The following ARID3B variants were observed in gnomAD, a reference collection of about 807,000 sequenced individuals.
ARID3B encodes AT-rich interaction domain 3B, also known as AT-rich interactive domain-containing protein 3B.
Under a neutral mutation model 51.9 loss-of-function variants are expected in ARID3B, and 10 were observed. The ratio of observed to expected loss-of-function variants is 0.19; its 90% CI spans 0.12 to 0.33. The LOEUF is 0.33. Among genes scored for constraint, ARID3B ranks in the 10% least tolerant of loss-of-function variants. The probability of loss-of-function intolerance (pLI) is 1.00; values close to 1 mark genes in which losing one functional copy is unlikely to be tolerated. For synonymous variants in ARID3B, 205 were observed against 279.5 expected (o/e 0.73, Z 2.66); for missense variants, 483 against 716.3 (o/e 0.67, Z 3.72).
At chr15:74,579,105 G>T (rs754315812) in intron 4 of ARID3B, among the ~76,000 whole-genome samples, 1 of 152,192 alleles carries the variant, frequency 6.6e-6, no homozygotes, top group Non-Finnish European at 1.5e-5. Flanking sequence ...AATGACCGCA[G>T]CTGCAGGTGA....
chr15:74,578,176 T>TTG (rs1285160374), intron 4 of ARID3B, among the ~76,000 whole-genome samples: 2 of 150,696 alleles, frequency 1.3e-5, no homozygotes, highest in African/African-American at 2.5e-5. Context: ...TTTGTTTTTT[T>TTG]TTGTTTTTTT....
At chr15:74,546,958 T>C (rs1429810458) in intron 2 of ARID3B, among the ~76,000 whole-genome samples, 1 of 152,204 alleles carries the variant, frequency 6.6e-6, no homozygotes, top group East Asian at 1.9e-4. Context: ...TAAAACTTTT[T>C]TTTTAGTATA....
chr15:74,560,414 T>A (rs1160082198), intron 2 of ARID3B, among the ~76,000 whole-genome samples: 1 of 152,192 alleles, frequency 6.6e-6, no homozygotes, highest in Non-Finnish European at 1.5e-5. Context: ...TACACCTTCT[T>A]GGAGCTTTTT....
In ARID3B at chr15:74,591,083, C is replaced by A; in HGVS notation, c.882-68C>A. 6.6e-7 allele frequency: 1 copy of A among 1,524,848 alleles called. No homozygotes were observed. The allele number at this position is 1,524,848 out of a possible 1,614,324, so 94.5% of individuals were successfully genotyped here. On this transcript the variant is annotated intron_variant, in intron 5 of 8. Coordinates refer to ENST00000346246, the MANE Select transcript of ARID3B (RefSeq NM_006465.4). The surrounding 1 kb of genome is among the most constrained non-coding windows in gnomAD (Gnocchi z 5.8). ...AACAGAGACTGCTTCCAGAGACCCA[C>A]CAACCTCAACTGGGTGGTCTCTGGT...
intron 8 of ARID3B, 104 bp from the exon 9 acceptor site, chr15:74,595,507 G>A (rs892866787): frequency 2.5e-5 from 32 of 1,296,408 alleles, no homozygotes; most frequent in South Asian, 1.9e-4. Context: ...TGTCTACAGC[G>A]GAGTCAGGCA....
At chr15:74,575,924 TCTCA>T (rs1316045109) in intron 4 of ARID3B, among the ~76,000 whole-genome samples, 33 of 152,174 alleles carry the variant, frequency 2.2e-4, no homozygotes, top group Admixed American at 1.7e-3. Context: ...TGAGACAGGG[TCTCA>T]CTCTGTTGCC....
At chr15:74,562,034 C>CT (rs2061681073) in intron 2 of ARID3B, among the ~76,000 whole-genome samples, 1 of 134,308 alleles carries the variant, frequency 7.4e-6, no homozygotes, top group South Asian at 2.6e-4. Context: ...GAGCAAGACT[C>CT]TGTCTTAAAA....
At position 74,595,730 on chromosome 15, in the gene ARID3B, C is replaced by A; in HGVS notation, c.1639C>A (p.Arg547=). ...CTGTTCACCAAGTCCTACCTCATCC[C>A]GGGGCACCCCCAGCGCAGAGCCCTC... ...SHCSPSPTSS[R]GTPSAEPSTS... Residue 547 remains arginine (R), a synonymous_variant, in exon 9 of 9, where the codon CGG becomes AGG. Coordinates refer to ENST00000346246, the MANE Select transcript of ARID3B (RefSeq NM_006465.4). 1.2e-6 allele frequency: 2 copies of A among 1,612,094 alleles called. No homozygotes were observed. The highest frequency in any genetic ancestry group is 4.5e-5 in the East Asian group (2 of 44,838).
intron 1 of ARID3B, among the ~76,000 whole-genome samples, chr15:74,543,350 G>A (rs765714730): frequency 3.9e-5 from 6 of 152,188 alleles, no homozygotes; most frequent in Non-Finnish European, 7.3e-5. Flanking sequence ...CTGTCTGCCT[G>A]ATAGTTCTGT....
At chr15:74,572,676 CAA>C (rs377466587) in intron 2 of ARID3B, among the ~76,000 whole-genome samples, 184 bp from the exon 3 acceptor site, 2 of 141,034 alleles carry the variant, frequency 1.4e-5, no homozygotes, top group African/African-American at 2.6e-5. Flanking sequence ...AATCAAAAGC[CAA>C]AAAAAAAAAA....
intron 2 of ARID3B, among the ~76,000 whole-genome samples, chr15:74,555,843 G>GTGCAGTGGCACAATCTCCGCTCACTGCAA (rs2061655548): frequency 7.1e-6 from 1 of 140,018 alleles, no homozygotes; most frequent in Non-Finnish European, 1.5e-5. Context: ...CCAGGCTGGA[G>GTGCAGTGGCACAATCTCCGCTCACTGCAA]TGCAGTGGCA....
intron 5 of ARID3B, among the ~76,000 whole-genome samples, chr15:74,590,389 C>T (rs146009593): frequency 2.0e-5 from 3 of 152,308 alleles, no homozygotes; most frequent in African/African-American, 7.2e-5. Flanking sequence ...TGTGCCCCTT[C>T]CAGGACATTG....
intron 2 of ARID3B, among the ~76,000 whole-genome samples, chr15:74,547,590 C>G (rs2061620884): frequency 1.3e-5 from 2 of 152,186 alleles, no homozygotes; most frequent in South Asian, 4.1e-4. Flanking sequence ...TGAAACAAGG[C>G]ATGTTTCTCT....
At chr15:74,581,986 C>T (rs1005146343) in intron 4 of ARID3B, among the ~76,000 whole-genome samples, 1 of 152,168 alleles carries the variant, frequency 6.6e-6, no homozygotes, top group Non-Finnish European at 1.5e-5. Flanking sequence ...GAAACTCAGA[C>T]AGCCGTGCAC....
At chr15:74,578,471 G>A (rs1261033186) in intron 4 of ARID3B, among the ~76,000 whole-genome samples, 1 of 152,220 alleles carries the variant, frequency 6.6e-6, no homozygotes. Flanking sequence ...CACCGAGCCC[G>A]GCTGTCTTTG....
At chr15:74,592,635 G>A (rs1320353231) in intron 7 of ARID3B, among the ~76,000 whole-genome samples, 6 of 152,366 alleles carry the variant, frequency 3.9e-5, no homozygotes, top group African/African-American at 7.2e-5. Context: ...GCCAAAGGCC[G>A]TGTGTGCCAG....
At chr15:74,568,811 C>CT (rs1375945311) in intron 2 of ARID3B, among the ~76,000 whole-genome samples, 1 of 152,200 alleles carries the variant, frequency 6.6e-6, no homozygotes, top group Non-Finnish European at 1.5e-5. Flanking sequence ...ACTCTGGCTA[C>CT]TGTTGACTTC....
chr15:74,579,284 C>T (rs1567123941), intron 4 of ARID3B, among the ~76,000 whole-genome samples: 2 of 152,222 alleles, frequency 1.3e-5, no homozygotes, highest in Admixed American at 6.5e-5. Context: ...TGGCGACCCC[C>T]TCCCCTCCCT....
chr15:74,548,461 A>C (rs1047449497), intron 2 of ARID3B, among the ~76,000 whole-genome samples: 2 of 152,228 alleles, frequency 1.3e-5, no homozygotes, highest in Non-Finnish European at 2.9e-5. Context: ...GGCTTAACAT[A>C]CTTTCACAGC....
Sources: allele counts gnomAD v4.1 joint callset (sites outside exome capture counted in the v4.1 genomes callset), GRCh38; gene constraint gnomAD v4.1.1; non-coding constraint Gnocchi (gnomAD v3.1); transcripts MANE v1.5; gene names NCBI Gene and HGNC (gene_info 2026-07-23, HGNC 2026-07-21).